The following PKP4 variants were observed in gnomAD, a reference collection of about 807,000 sequenced individuals.
The protein encoded by PKP4 is plakophilin-4.
Under a neutral mutation model 145.1 loss-of-function variants are expected in PKP4, and 90 were observed. The observed-to-expected ratio is 0.62, with a 90% CI of 0.52 to 0.74. PKP4 has a LOEUF of 0.74. Ranked by LOEUF, PKP4 falls within the 30% of genes least tolerant of loss-of-function variation. The pLI is 0.00. For synonymous variants in PKP4, 563 were observed against 577.2 expected (o/e 0.98, Z 0.35); for missense variants, 1,340 against 1,482.7 (o/e 0.90, Z 1.58).
Position 158,534,376 on chromosome 2 carries a change from A to G in PKP4, c.132+1060A>G, listed in dbSNP as rs149803650. Reference sequence around the variant, plus strand: ...AGTTTATTCTAGTAACAAGATGTCAACATTTTTTTTTATTCCTCAATGAAA... The same window carrying G: ...AGTTTATTCTAGTAACAAGATGTCAGCATTTTTTTTTATTCCTCAATGAAA... On this transcript the variant is annotated intron_variant, in intron 2 of 21. Transcript: ENST00000389759. Among the ~76,000 whole-genome samples, 763 of 152,290 alleles carry G rather than the reference A, an allele frequency of 5.0e-3. 6 individuals are homozygous for G. The highest frequency in any genetic ancestry group is 0.018 in the African/African-American group (731 of 41,560).
chr2:158,472,301 T>C (rs7569344), intron 1 of PKP4, among the ~76,000 whole-genome samples: 1 of 151,674 alleles, frequency 6.6e-6, no homozygotes, highest in Non-Finnish European at 1.5e-5. Flanking sequence ...CTAAAAAATT[T>C]AAAATGAATT....
chr2:158,624,433 C>G (rs186161757), intron 6 of PKP4, among the ~76,000 whole-genome samples: 30 of 152,210 alleles, frequency 2.0e-4, no homozygotes, highest in Non-Finnish European at 4.3e-4. Context: ...AAATTATATT[C>G]AAATTTTTGT....
rs144181223 is a variant in PKP4, at chr2:158,471,348, G to T, written c.-6+14130G>T. Among the ~76,000 whole-genome samples, 380 of 152,226 alleles carry T rather than the reference G, an allele frequency of 2.5e-3. 1 individual carries two copies. The highest frequency in any genetic ancestry group is 2.5e-3 in the Non-Finnish European group (172 of 68,010). ...GCAAGTTTAATTTTTGTTTAAAATG[G>T]GGGAAAAACCCTACATGAATAGATT... On this transcript the variant is annotated intron_variant, in intron 1 of 21. Coordinates refer to ENST00000389759, the MANE Select transcript of PKP4 (RefSeq NM_003628.6).
intron 2 of PKP4, chr2:158,548,582 C>A: frequency 6.4e-6 from 1 of 156,046 alleles, no homozygotes; most frequent in South Asian, 1.8e-4. Context: ...GATCTTAACC[C>A]ACTTTGTCAA....
At chr2:158,606,610 C>G (rs1056676408) in intron 4 of PKP4, among the ~76,000 whole-genome samples, 1 of 152,178 alleles carries the variant, frequency 6.6e-6, no homozygotes, top group Non-Finnish European at 1.5e-5. Flanking sequence ...AAGCTCATCA[C>G]TTAGCCTTTC....
At chr2:158,571,222 A>G (rs2105766273) in intron 2 of PKP4, among the ~76,000 whole-genome samples, 1 of 152,350 alleles carries the variant, frequency 6.6e-6, no homozygotes, top group Non-Finnish European at 1.5e-5. Flanking sequence ...ATGCAAATTG[A>G]CAACTGAGCT....
chr2:158,473,414 C>G (rs1691915743), intron 1 of PKP4, among the ~76,000 whole-genome samples: 1 of 152,186 alleles, frequency 6.6e-6, no homozygotes, highest in South Asian at 2.1e-4. Flanking sequence ...AACCTAAATG[C>G]CCATCAGTGG....
At chr2:158,459,355 G>A (rs548683986) in intron 1 of PKP4, among the ~76,000 whole-genome samples, 8 of 152,268 alleles carry the variant, frequency 5.3e-5, no homozygotes, top group South Asian at 4.1e-4. Context: ...GTCAGATTCA[G>A]TAAAATAATA....
chr2:158,676,588 C>T, intron 19 of PKP4, 151 bp from the exon 20 acceptor site: 1 of 926,996 alleles, frequency 1.1e-6, no homozygotes, highest in Non-Finnish European at 1.7e-6. Context: ...AGCTGCTCTT[C>T]CACTCCCAGC....
At chr2:158,643,376 T>G (rs2054490876) in intron 11 of PKP4, among the ~76,000 whole-genome samples, 1 of 152,002 alleles carries the variant, frequency 6.6e-6, no homozygotes, top group Admixed American at 6.6e-5. Context: ...CAGCATGGGA[T>G]ATAGTTCTGG....
chr2:158,580,808 A>T (rs1015721776), intron 3 of PKP4, among the ~76,000 whole-genome samples: 20 of 152,154 alleles, frequency 1.3e-4, no homozygotes, highest in African/African-American at 4.8e-4. Flanking sequence ...TGTATTCTTG[A>T]TGTCCCAACT....
rs2054854446 is a variant in PKP4, at chr2:158,646,606, G to C, written c.1909+3907G>C. ...TAACTGATGTTCAGTAATATTTTAA[G>C]GGTGATTGATCCTTGATACATATTA... On this transcript the variant is annotated intron_variant, in intron 11 of 21. Coordinates refer to ENST00000389759, the MANE Select transcript of PKP4 (RefSeq NM_003628.6). Among the ~76,000 whole-genome samples the C allele has an allele frequency of 6.6e-5, 10 of 152,266 alleles. No homozygotes were observed. The South Asian group carries it at 2.1e-3, about 32-fold the overall frequency.
chr2:158,553,782 A>C lies in PKP4; in HGVS notation c.132+20466A>C, dbSNP rs556605542. Among the ~76,000 whole-genome samples, 12 of 152,218 alleles carry C rather than the reference A, an allele frequency of 7.9e-5. No homozygotes were observed. The South Asian group carries it at 1.7e-3, about 21-fold the overall frequency. On this transcript the variant is annotated intron_variant, in intron 2 of 21. Coordinates refer to ENST00000389759, the MANE Select transcript of PKP4 (RefSeq NM_003628.6). ...CACCACTGTATTTTGGAAGCAGATA[A>C]CTTATCTTTTAGCTTCACAGAATCA...
intron 2 of PKP4, among the ~76,000 whole-genome samples, chr2:158,552,466 A>T (rs1318715232): frequency 6.6e-6 from 1 of 152,206 alleles, no homozygotes; most frequent in African/African-American, 2.4e-5. Flanking sequence ...GTGGAATTGG[A>T]TAATGGGTAG....
intron 6 of PKP4, among the ~76,000 whole-genome samples, chr2:158,624,503 T>C (rs1320247023): frequency 6.6e-6 from 1 of 152,216 alleles, no homozygotes; most frequent in Non-Finnish European, 1.5e-5. Flanking sequence ...GTAAGTACAT[T>C]GTTCTGGTGC....
chr2:158,647,057 AGCACGTCT>A (rs2054899260), intron 11 of PKP4, among the ~76,000 whole-genome samples: 1 of 152,196 alleles, frequency 6.6e-6, no homozygotes, highest in South Asian at 2.1e-4. Context: ...CTGTCGTTAA[AGCACGTCT>A]GCTCTGAACT....
At position 158,661,463 on chromosome 2, in the gene PKP4, CTGGTTGCAGGAGGGCG is replaced by C; in HGVS notation, c.2211+18_2211+33del. 1.3e-6 allele frequency: 2 copies of C among 1,560,548 alleles called. No homozygotes were observed. Among genetic ancestry groups the C allele is most frequent in the Non-Finnish European group, 1.8e-6 (2 of 1,132,178 alleles). On this transcript the variant is annotated intron_variant, in intron 13 of 21. Transcript: ENST00000389759. Reference sequence around the variant, plus strand: ...TTACGACAGCAAGGTCAGTGCCGGCCTGGTTGCAGGAGGGCGTGGTGGCAGGTGACCATGATGCCTG... The same window carrying C: ...TTACGACAGCAAGGTCAGTGCCGGCCTGGTGGCAGGTGACCATGATGCCTG...
At chr2:158,564,782 A>G (rs1418318910) in intron 2 of PKP4, among the ~76,000 whole-genome samples, 1 of 152,190 alleles carries the variant, frequency 6.6e-6, no homozygotes, top group Non-Finnish European at 1.5e-5. Flanking sequence ...TTGAGGTGGT[A>G]ATCTAGCTTT....
At chr2:158,529,304 A>G (rs1413997332) in intron 1 of PKP4, among the ~76,000 whole-genome samples, 1 of 152,224 alleles carries the variant, frequency 6.6e-6, no homozygotes, top group Admixed American at 6.5e-5. Context: ...AGCCTCCTTC[A>G]GAGGCTTATA....
Sources: allele counts gnomAD v4.1 joint callset (sites outside exome capture counted in the v4.1 genomes callset), GRCh38; gene constraint gnomAD v4.1.1; transcripts MANE v1.5; gene names NCBI Gene and HGNC (gene_info 2026-07-23, HGNC 2026-07-21).